DYNC2H1: variants seen among roughly 807,000 people sequenced by gnomAD.
DYNC2H1 encodes the protein cytoplasmic dynein 2 heavy chain 1.
A neutral mutation model predicts 570.0 loss-of-function variants in DYNC2H1; 410 were observed. The observed-to-expected ratio is 0.72, with a 90% CI of 0.66 to 0.78. The LOEUF is 0.78. Ranked by LOEUF, DYNC2H1 falls within the 30% of genes least tolerant of loss-of-function variation. The probability of loss-of-function intolerance (pLI) is 0.00; values close to 1 mark genes in which losing one functional copy is unlikely to be tolerated. For missense variants in DYNC2H1, 4,865 were observed against 5,046.4 expected, an observed-to-expected ratio of 0.96 and a Z score of 1.09; for synonymous variants, 1,688 against 1,677.6, an observed-to-expected ratio of 1.01 and a Z score of -0.15.
intron 70 of DYNC2H1, among the ~76,000 whole-genome samples, chr11:103,260,560 C>T (rs149184578): frequency 5.3e-5 from 8 of 151,480 alleles, no homozygotes; most frequent in African/African-American, 1.5e-4. Context: ...GAACACACAT[C>T]GGACAATATT....
At chr11:103,215,588 C>G (rs1279070970) in intron 54 of DYNC2H1, 133 bp from the exon 55 acceptor site, 1 of 785,516 alleles carries the variant, frequency 1.3e-6, no homozygotes, top group Non-Finnish European at 1.8e-6. Flanking sequence ...AAGAAAAAAC[C>G]TAAGTCTACT....
At chr11:103,448,957 T>C (rs1944511810) in intron 85 of DYNC2H1, among the ~76,000 whole-genome samples, 1 of 152,106 alleles carries the variant, frequency 6.6e-6, no homozygotes, top group African/African-American at 2.4e-5. Context: ...ACTAGTAGCA[T>C]GTAGAGCTGT....
intron 11 of DYNC2H1, among the ~76,000 whole-genome samples, chr11:103,124,798 G>C (rs1312074144): frequency 6.6e-6 from 1 of 152,026 alleles, no homozygotes; most frequent in Non-Finnish European, 1.5e-5. Flanking sequence ...TTTTCTTTAT[G>C]GTGGATGTGA....
At chr11:103,267,832 A>G (rs1865568680) in intron 70 of DYNC2H1, among the ~76,000 whole-genome samples, 1 of 151,684 alleles carries the variant, frequency 6.6e-6, no homozygotes, top group South Asian at 2.1e-4. Flanking sequence ...ATAATTTTTA[A>G]ATTTTTCTTG....
intron 38 of DYNC2H1, among the ~76,000 whole-genome samples, chr11:103,178,273 G>GT (rs1388113824): frequency 6.6e-6 from 1 of 152,034 alleles, no homozygotes; most frequent in African/African-American, 2.4e-5. Flanking sequence ...TGTTGACTTG[G>GT]TTTTTTAAGA....
At chr11:103,225,997 G>C (rs1307624216) in intron 59 of DYNC2H1, among the ~76,000 whole-genome samples, 1 of 151,112 alleles carries the variant, frequency 6.6e-6, no homozygotes. Context: ...CTGAGTTCTT[G>C]ATTTGATTCT....
intron 46 of DYNC2H1, 33 bp downstream of exon 46, chr11:103,191,652 G>A (rs1431471430): frequency 7.2e-7 from 1 of 1,397,438 alleles, no homozygotes; most frequent in East Asian, 2.4e-5. Flanking sequence ...TTGTGTGTGT[G>A]TGTGTGTGTG....
rs748751900 is a variant in DYNC2H1, at chr11:103,479,295, T to C, written c.*42T>C. 1.6e-5 allele frequency: 25 copies of C among 1,581,514 alleles called. No individual in the cohort carries two copies. The East Asian group carries it at 5.2e-4, about 33-fold the overall frequency. ...AAGCCATCTTCACAAAAGGGAACAT[T>C]GATTCTTTAAGCTTTAAATCAAACA... On this transcript the variant is annotated 3_prime_UTR_variant, in exon 89 of 89. Transcript: ENST00000375735.
intron 83 of DYNC2H1, among the ~76,000 whole-genome samples, chr11:103,398,127 C>T (rs1459905091): frequency 2.0e-5 from 3 of 151,924 alleles, no homozygotes; most frequent in Non-Finnish European, 4.4e-5. Flanking sequence ...ATTTAAATAC[C>T]ACATATTATT....
At chr11:103,309,339 A>C (rs1591555312) in intron 78 of DYNC2H1, among the ~76,000 whole-genome samples, 2 of 147,806 alleles carry the variant, frequency 1.4e-5, no homozygotes, top group East Asian at 4.0e-4. Context: ...CACCCAGATA[A>C]TTTTTTTATT....
intron 70 of DYNC2H1, among the ~76,000 whole-genome samples, chr11:103,270,026 C>G (rs1865641156): frequency 6.6e-6 from 1 of 151,874 alleles, no homozygotes. Context: ...AACGCCATCT[C>G]TACTGAAAAT....
intron 85 of DYNC2H1, among the ~76,000 whole-genome samples, chr11:103,451,989 C>T (rs1944622840): frequency 6.6e-6 from 1 of 151,920 alleles, no homozygotes; most frequent in African/African-American, 2.4e-5. Flanking sequence ...GAAAGTCCAC[C>T]ATTCTGTAAT....
chr11:103,120,313 C>A, intron 6 of DYNC2H1, 134 bp from the exon 7 acceptor site: 10 of 775,066 alleles, frequency 1.3e-5, no homozygotes, highest in Non-Finnish European at 1.9e-5. Context: ...ACTAGAGTTT[C>A]AGTTTTATTG....
intron 78 of DYNC2H1, among the ~76,000 whole-genome samples, chr11:103,310,646 G>A (rs1029846976): frequency 1.4e-5 from 2 of 141,512 alleles, no homozygotes; most frequent in Admixed American, 1.4e-4. Context: ...AATTTGATAG[G>A]TACTTAATAC....
At chr11:103,428,000 A>G (rs889372988) in intron 84 of DYNC2H1, among the ~76,000 whole-genome samples, 34 of 151,398 alleles carry the variant, frequency 2.2e-4, no homozygotes, top group African/African-American at 7.5e-4. Context: ...AAATATATAT[A>G]TAAGTATATA....
Position 103,264,742 on chromosome 11 carries a change from T to C in DYNC2H1, c.10695+4765T>C, listed in dbSNP as rs1865442480. Among the ~76,000 whole-genome samples the C allele has an allele frequency of 6.6e-6, 1 of 152,162 alleles. No homozygotes were observed. Among genetic ancestry groups the C allele is most frequent in the South Asian group, 2.1e-4 (1 of 4,834 alleles). On this transcript the variant is annotated intron_variant, in intron 70 of 88. Transcript: ENST00000375735. The surrounding 1 kb of genome is among the most constrained non-coding windows in gnomAD (Gnocchi z 4.8). ...GACCCACAGCCAATGTCATACCGAA[T>C]GTGAATCAATATCAGTATCATACTG...
At position 103,479,324 on chromosome 11, in the gene DYNC2H1, G is replaced by T; in HGVS notation, c.*71G>T. ...TCTTTAAGCTTTAAATCAAACATGT[G>T]GTCAGTCTACATTTGAAATGTTAGT... On this transcript the variant is annotated 3_prime_UTR_variant, in exon 89 of 89. Transcript: ENST00000375735. 1 of 1,510,996 alleles carries T rather than the reference G, an allele frequency of 6.6e-7. No homozygotes were observed. 93.6% of individuals were successfully genotyped at this position (1,510,996 alleles called of 1,614,324 possible).
At chr11:103,456,497 A>C (rs1026734688) in intron 87 of DYNC2H1, 141 bp downstream of exon 87, 9 of 557,870 alleles carry the variant, frequency 1.6e-5, no homozygotes, top group African/African-American at 1.3e-4. Context: ...GTGAAAAATC[A>C]AAATAAGATT....
At position 103,189,769 on chromosome 11, in the gene DYNC2H1, T is replaced by A. The variant is rs1238733632; in HGVS notation, c.7390T>A (p.Ser2464Thr). Reference protein sequence around the residue: ...LKNHSIWGSSSKIYLLAGSMV... With the variant: ...LKNHSIWGSSTKIYLLAGSMV... ...GAATCATTCTATTTGGGGTTCTTCA[T>A]CAAAAATTTATCTTTTAGCAGGATC... The change falls in exon 45 of 89, where the codon TCA (serine) becomes ACA (threonine). Residue 2464 changes from serine (S) to threonine (T), a missense_variant. Coordinates refer to ENST00000375735, the MANE Select transcript of DYNC2H1 (RefSeq NM_001377.3). The surrounding 1 kb of genome is among the most constrained non-coding windows in gnomAD (Gnocchi z 4.3). The A allele has an allele frequency of 1.9e-6, 3 of 1,611,656 alleles. No individual in the cohort carries two copies. Among genetic ancestry groups the A allele is most frequent in the African/African-American group, 2.7e-5 (2 of 74,832 alleles).
Sources: allele counts gnomAD v4.1 joint callset (sites outside exome capture counted in the v4.1 genomes callset), GRCh38; gene constraint gnomAD v4.1.1; non-coding constraint Gnocchi (gnomAD v3.1); transcripts MANE v1.5; gene names NCBI Gene and HGNC (gene_info 2026-07-23, HGNC 2026-07-21).